INO80: variants seen among roughly 807,000 people sequenced by gnomAD.
The protein encoded by INO80 is chromatin-remodeling ATPase INO80.
INO80 carries 20 observed loss-of-function variants against 203.4 expected under a neutral mutation model. The ratio of observed to expected loss-of-function variants is 0.10; its 90% CI spans 0.07 to 0.14. INO80 has a LOEUF of 0.14. Ranked by LOEUF, INO80 falls within the 10% of genes least tolerant of loss-of-function variation. The pLI, the probability that INO80 is intolerant of heterozygous loss-of-function variation, is 1.00. For missense variants in INO80, 1,419 were observed against 1,914.4 expected, an observed-to-expected ratio of 0.74 and a Z score of 4.83; for synonymous variants, 726 against 685.2, an observed-to-expected ratio of 1.06 and a Z score of -0.93.
intron 24 of INO80, among the ~76,000 whole-genome samples, chr15:41,041,261 G>GT (rs1235645681): frequency 2.0e-5 from 3 of 151,496 alleles, no homozygotes; most frequent in African/African-American, 7.3e-5. Flanking sequence ...GCTAATTTTT[G>GT]TATTTTTCTG....
At chr15:41,016,572 A>T (rs770403545) in intron 26 of INO80, among the ~76,000 whole-genome samples, 40 of 152,276 alleles carry the variant, frequency 2.6e-4, no homozygotes, top group Middle Eastern at 6.8e-3. Context: ...TGACCTGAAA[A>T]TTTTGTTTTT....
chr15:41,077,190 A>G (rs2045416571), intron 9 of INO80, among the ~76,000 whole-genome samples: 1 of 148,556 alleles, frequency 6.7e-6, no homozygotes, highest in Admixed American at 6.8e-5. Flanking sequence ...TACAAGCGTG[A>G]GCCACCGCGC....
At chr15:40,992,917 C>T (rs572829048) in intron 29 of INO80, among the ~76,000 whole-genome samples, 3 of 152,242 alleles carry the variant, frequency 2.0e-5, no homozygotes, top group East Asian at 1.9e-4. Flanking sequence ...CTCAGCCTCC[C>T]GAGTATCTGG....
chr15:40,980,185 C>T lies in INO80; in HGVS notation c.*38G>A. 1 of 1,541,062 alleles carries T rather than the reference C, an allele frequency of 6.5e-7. No individual in the cohort carries two copies. Among genetic ancestry groups the T allele is most frequent in the Non-Finnish European group, 9.0e-7 (1 of 1,115,230 alleles). On this transcript the variant is annotated 3_prime_UTR_variant, in exon 36 of 36. Coordinates refer to ENST00000648947, the MANE Select transcript of INO80 (RefSeq NM_017553.3). ...GACCACTGGCAGGTCAGGACTCTAG[C>T]CCTGGTTTGGTTGAAGGAAGTCGGA...
At chr15:41,011,134 C>T (rs1184977174) in intron 27 of INO80, among the ~76,000 whole-genome samples, 1 of 152,224 alleles carries the variant, frequency 6.6e-6, no homozygotes, top group Non-Finnish European at 1.5e-5. Context: ...ATGGACTACT[C>T]TTGTACCTTT....
intron 25 of INO80, among the ~76,000 whole-genome samples, chr15:41,023,538 G>T (rs928769680): frequency 6.6e-6 from 1 of 151,994 alleles, no homozygotes; most frequent in African/African-American, 2.4e-5. Flanking sequence ...GGAGGCCGAG[G>T]TGGGTGAATC....
intron 1 of INO80, among the ~76,000 whole-genome samples, chr15:41,111,428 G>A (rs983338607): frequency 6.6e-6 from 1 of 151,086 alleles, no homozygotes; most frequent in African/African-American, 2.4e-5. Context: ...CCTGGCGAGA[G>A]AGCGAGACTC....
At chr15:41,053,691 ACTAT>A (rs1228528599) in intron 19 of INO80, among the ~76,000 whole-genome samples, 1 of 152,206 alleles carries the variant, frequency 6.6e-6, no homozygotes, top group Admixed American at 6.5e-5. Context: ...GATTCATTAT[ACTAT>A]CTTTCTATTT....
intron 1 of INO80, among the ~76,000 whole-genome samples, chr15:41,104,370 G>C (rs1172545300): frequency 6.6e-6 from 1 of 151,962 alleles, no homozygotes; most frequent in African/African-American, 2.4e-5. Flanking sequence ...TCATTATCCT[G>C]AATCCGAACT....
intron 23 of INO80, among the ~76,000 whole-genome samples, 187 bp downstream of exon 23, chr15:41,047,221 T>A (rs189883384): frequency 2.1e-3 from 324 of 152,308 alleles, no homozygotes; most frequent in Middle Eastern, 0.014. Flanking sequence ...CGCCTCGGCC[T>A]CCCAAAGTGT....
At chr15:41,011,589 T>C (rs1377989206) in intron 27 of INO80, 3 of 152,172 alleles carry the variant, frequency 2.0e-5, no homozygotes, top group African/African-American at 7.2e-5. Flanking sequence ...TTCTTTTTTT[T>C]TTTTTGAAAG....
At chr15:41,061,308 A>T (rs2045101813) in intron 14 of INO80, among the ~76,000 whole-genome samples, 1 of 151,604 alleles carries the variant, frequency 6.6e-6, no homozygotes, top group South Asian at 2.1e-4. Flanking sequence ...TCAAAAAAAT[A>T]AATAAATAAA....
intron 24 of INO80, among the ~76,000 whole-genome samples, chr15:41,041,754 T>TC (rs1175241536): frequency 6.6e-6 from 1 of 152,110 alleles, no homozygotes; most frequent in Non-Finnish European, 1.5e-5. Flanking sequence ...GGCTTCTAGT[T>TC]CTTTATTCAG....
chr15:41,033,225 C>T (rs2044517606), intron 24 of INO80, among the ~76,000 whole-genome samples: 1 of 152,090 alleles, frequency 6.6e-6, no homozygotes, highest in African/African-American at 2.4e-5. Flanking sequence ...CAAATCTGTT[C>T]TGCCCCAAGA....
chr15:41,063,645 G>A (rs771174366), intron 14 of INO80, among the ~76,000 whole-genome samples: 11 of 151,972 alleles, frequency 7.2e-5, no homozygotes, highest in Non-Finnish European at 1.3e-4. Context: ...GTGGTGGCAT[G>A]CGCCTGTAAT....
intron 14 of INO80, among the ~76,000 whole-genome samples, chr15:41,065,493 T>C (rs773563225): frequency 6.6e-6 from 1 of 152,080 alleles, no homozygotes; most frequent in Non-Finnish European, 1.5e-5. Flanking sequence ...TAAGTAGAAT[T>C]ACCATATGAC....
intron 7 of INO80, among the ~76,000 whole-genome samples, chr15:41,082,423 G>A (rs371387496): frequency 1.0e-4 from 15 of 147,810 alleles, no homozygotes; most frequent in East Asian, 6.3e-4. Flanking sequence ...GAATTGGGCC[G>A]GGCGTGGTGG....
intron 7 of INO80, among the ~76,000 whole-genome samples, chr15:41,083,954 T>C (rs1176721685): frequency 6.6e-6 from 1 of 152,130 alleles, no homozygotes; most frequent in Non-Finnish European, 1.5e-5. Flanking sequence ...TTCTAACGTT[T>C]AGTGGGGATT....
intron 14 of INO80, among the ~76,000 whole-genome samples, chr15:41,068,800 C>T (rs942886134): frequency 2.9e-4 from 44 of 152,060 alleles, no homozygotes; most frequent in African/African-American, 1.0e-3. Flanking sequence ...ATGGAGGTTG[C>T]AGTGAGCCGA....
Sources: gnomAD v4.1 joint callset for allele counts (sites outside exome capture counted in the v4.1 genomes callset) on GRCh38, gnomAD v4.1.1 for gene constraint, MANE v1.5 for transcripts, NCBI Gene and HGNC (gene_info 2026-07-23, HGNC 2026-07-21) for gene names.